FKTN: variants seen among roughly 807,000 people sequenced by gnomAD.
FKTN encodes the protein fukutin.
A neutral mutation model predicts 58.6 loss-of-function variants in FKTN; 47 were observed. That is an observed-to-expected ratio of 0.80 (90% CI 0.63 to 1.02). FKTN has a LOEUF of 1.02. Ranked by LOEUF, FKTN falls within the 50% of genes least tolerant of loss-of-function variation. FKTN has a pLI of 0.00. For synonymous variants in FKTN, 178 were observed against 191.9 expected (o/e 0.93, Z 0.60); for missense variants, 516 against 537.3 (o/e 0.96, Z 0.39).
chr9:105,604,497 G>A lies in FKTN; in HGVS notation c.647+5G>A. ...TTATCCAGGAGCTTTTGACAGGTAA[G>A]TTCAGAGTCAAAACGTGAAATGTGA... On this transcript the variant is annotated splice_donor_5th_base_variant and intron_variant, in intron 6 of 10. Coordinates refer to ENST00000357998, the MANE Select transcript of FKTN (RefSeq NM_001079802.2). The A allele has an allele frequency of 6.2e-7, 1 of 1,612,718 alleles. No homozygotes were observed. Among genetic ancestry groups the A allele is most frequent in the Non-Finnish European group, 8.5e-7 (1 of 1,178,766 alleles).
Position 105,570,056 on chromosome 9 carries a change from GTTAT to G in FKTN, c.-180-3596_-180-3593del, listed in dbSNP as rs547140842. 2.0e-4 allele frequency among the ~76,000 whole-genome samples: 31 copies of G among 151,864 alleles called. No homozygotes were observed. The East Asian group carries it at 5.8e-3, about 28-fold the overall frequency. On this transcript the variant is annotated intron_variant, in intron 1 of 10. Transcript: ENST00000357998. ...AGTTCTATGCCATATCTCTCTATAG[GTTAT>G]TTTTTATATTTTTAAACGTTTATTT...
At chr9:105,587,629 ACTT>A (rs1419213411) in intron 3 of FKTN, among the ~76,000 whole-genome samples, 2 of 152,152 alleles carry the variant, frequency 1.3e-5, no homozygotes, top group African/African-American at 4.8e-5. Context: ...CTACTGCCCC[ACTT>A]CTTCTATCAC....
chr9:105,626,981 C>CTTTTTTTTTT (rs60710867), intron 10 of FKTN, among the ~76,000 whole-genome samples: 2 of 128,028 alleles, frequency 1.6e-5, no homozygotes, highest in African/African-American at 5.9e-5. Flanking sequence ...CTTCTTTATT[C>CTTTTTTTTTT]TTTTTTTTTT....
At chr9:105,585,728 G>A (rs1238926359) in intron 3 of FKTN, among the ~76,000 whole-genome samples, 1 of 152,108 alleles carries the variant, frequency 6.6e-6, no homozygotes, top group African/African-American at 2.4e-5. Context: ...TGTTCAATGA[G>A]CAGTGTTTTG....
chr9:105,591,484 A>G (rs571288959), intron 3 of FKTN, among the ~76,000 whole-genome samples: 18 of 152,342 alleles, frequency 1.2e-4, no homozygotes, highest in African/African-American at 4.3e-4. Flanking sequence ...ATTAAGTCTT[A>G]AAACCCCAAA....
chr9:105,563,618 A>G (rs1589170566), intron 1 of FKTN, among the ~76,000 whole-genome samples: 1 of 151,086 alleles, frequency 6.6e-6, no homozygotes, highest in African/African-American at 2.4e-5. Flanking sequence ...GGCACCCGCC[A>G]TTGCTGAGGC....
chr9:105,596,864 G>T, intron 4 of FKTN: 1 of 570,414 alleles, frequency 1.8e-6, no homozygotes, highest in African/African-American at 1.9e-5. Flanking sequence ...TAAGAAGTGA[G>T]TAAATATTGT....
chr9:105,598,932 G>C (rs1588070955), intron 4 of FKTN, among the ~76,000 whole-genome samples: 1 of 149,954 alleles, frequency 6.7e-6, no homozygotes, highest in East Asian at 1.9e-4. Flanking sequence ...AACCCTAAAA[G>C]ACACACACAC....
intron 1 of FKTN, among the ~76,000 whole-genome samples, chr9:105,571,868 C>T (rs1447776585): frequency 2.0e-5 from 3 of 152,122 alleles, no homozygotes; most frequent in East Asian, 1.9e-4. Flanking sequence ...GCAACTTTTG[C>T]GTGCTAATAT....
intron 3 of FKTN, among the ~76,000 whole-genome samples, chr9:105,596,059 G>T (rs1826749081): frequency 6.6e-6 from 1 of 152,172 alleles, no homozygotes; most frequent in South Asian, 2.1e-4. Flanking sequence ...TACGATGTAT[G>T]TTAGGCAAAG....
chr9:105,578,599 A>C (rs546812134), intron 3 of FKTN, among the ~76,000 whole-genome samples: 1 of 151,474 alleles, frequency 6.6e-6, no homozygotes, highest in Non-Finnish European at 1.5e-5. Context: ...TTTTTGCATC[A>C]ATGTTCATCA....
chr9:105,563,609 G>T (rs921793578), intron 1 of FKTN, among the ~76,000 whole-genome samples: 2 of 150,508 alleles, frequency 1.3e-5, no homozygotes, highest in African/African-American at 2.4e-5. Context: ...GGGGGGGGGG[G>T]CACCCGCCAT....
chr9:105,636,372 A>C lies in FKTN; in HGVS notation c.*1108A>C. ...CTAATATATCAGATCTCCAAAATGG[A>C]AGCTAAATGGTGGACTTGACAACTA... On this transcript the variant is annotated 3_prime_UTR_variant, in exon 11 of 11. Transcript: ENST00000357998. The C allele has an allele frequency of 6.1e-6, 6 of 985,466 alleles. No individual in the cohort carries two copies. The highest frequency in any genetic ancestry group is 6.0e-6 in the Non-Finnish European group (5 of 829,816). The allele number at this position is 985,466 out of a possible 1,614,324, so 61.0% of individuals were successfully genotyped here. A position where few individuals can be genotyped will look rare whatever the true frequency, so the allele number is the denominator to read the frequency against.
Position 105,638,380 on chromosome 9 carries a change from A to G in FKTN, c.*3116A>G, listed in dbSNP as rs560055955. 4 of 985,356 alleles carry G rather than the reference A, an allele frequency of 4.1e-6. No homozygotes were observed. In the African/African-American group the frequency reaches 5.2e-5, roughly 13 times the overall value. The allele number at this position is 985,356 out of a possible 1,614,324, so 61.0% of individuals were successfully genotyped here. A position where few individuals can be genotyped will look rare whatever the true frequency, so the allele number is the denominator to read the frequency against. Reference sequence around the variant, plus strand: ...GTTCAGAATTCAGAATTCTTAGGCAACCTTCATACCTTTATCTGGAAAATG... The same window carrying G: ...GTTCAGAATTCAGAATTCTTAGGCAGCCTTCATACCTTTATCTGGAAAATG... On this transcript the variant is annotated 3_prime_UTR_variant, in exon 11 of 11. Transcript: ENST00000357998.
At chr9:105,614,807 C>G (rs1830513198) in intron 7 of FKTN, among the ~76,000 whole-genome samples, 1 of 151,766 alleles carries the variant, frequency 6.6e-6, no homozygotes, top group Admixed American at 6.6e-5. Flanking sequence ...GTGGGACAAA[C>G]AAGTAACTGT....
intron 1 of FKTN, among the ~76,000 whole-genome samples, chr9:105,560,128 T>C (rs1838017757): frequency 6.6e-6 from 1 of 152,234 alleles, no homozygotes; most frequent in Admixed American, 6.5e-5. Context: ...AGTGGTATCA[T>C]TTACATATTT....
At chr9:105,613,979 C>T (rs549675930) in intron 7 of FKTN, among the ~76,000 whole-genome samples, 127 of 152,012 alleles carry the variant, frequency 8.4e-4, no homozygotes, top group Non-Finnish European at 1.6e-3. Context: ...GAAACAAGTG[C>T]GGAGGCTTGA....
At chr9:105,625,496 A>T (rs1297999010) in intron 10 of FKTN, among the ~76,000 whole-genome samples, 1 of 152,172 alleles carries the variant, frequency 6.6e-6, no homozygotes, top group East Asian at 1.9e-4. Flanking sequence ...GTAAGACACA[A>T]GTCCTGTTGA....
At chr9:105,579,517 T>A (rs532497024) in intron 3 of FKTN, among the ~76,000 whole-genome samples, 3 of 151,792 alleles carry the variant, frequency 2.0e-5, no homozygotes, top group African/African-American at 7.3e-5. Flanking sequence ...TTGATTGCAC[T>A]GTGGTCTGAG....
Sources: gnomAD v4.1 joint callset for allele counts (sites outside exome capture counted in the v4.1 genomes callset) on GRCh38, gnomAD v4.1.1 for gene constraint, MANE v1.5 for transcripts, NCBI Gene and HGNC (gene_info 2026-07-23, HGNC 2026-07-21) for gene names.